Variants in ADORA2B observed in about 807,000 individuals in gnomAD.
ADORA2B encodes the protein adenosine A2b receptor.
In ADORA2B, 18 loss-of-function variants were observed where a neutral mutation model predicts 20.8. The ratio of observed to expected loss-of-function variants is 0.87; its 90% CI spans 0.60 to 1.29. The LOEUF (loss-of-function observed/expected upper bound fraction) is 1.29, where lower values mean the gene tolerates loss of function less well. Among genes scored for constraint, ADORA2B ranks in the 50% most tolerant of loss-of-function variants. The pLI is 0.00. For missense variants in ADORA2B, 441 were observed against 422.7 expected, an observed-to-expected ratio of 1.04 and a Z score of -0.38; for synonymous variants, 179 against 178.3, an observed-to-expected ratio of 1.00 and a Z score of -0.03.
intron 1 of ADORA2B, among the ~76,000 whole-genome samples, chr17:15,960,636 C>T (rs553346928): frequency 4.0e-5 from 6 of 149,800 alleles, no homozygotes; most frequent in African/African-American, 9.9e-5. Flanking sequence ...CTTTGGGAGG[C>T]GAAGGCAGGC....
chr17:15,852,430 T>C, the ADORA2B span, among the ~76,000 whole-genome samples: 1 of 152,074 alleles, frequency 6.6e-6, no homozygotes, highest in Non-Finnish European at 1.5e-5. Context: ...TGAAGGAAGA[T>C]TACATCATCC....
At chr17:15,871,173 A>G in the ADORA2B span, among the ~76,000 whole-genome samples, 3 of 152,168 alleles carry the variant, frequency 2.0e-5, no homozygotes, top group Non-Finnish European at 4.4e-5. Flanking sequence ...GTATGAAACT[A>G]TGAGGAATAA....
At chr17:15,874,044 A>G in the ADORA2B span, among the ~76,000 whole-genome samples, 2,163 of 76,710 alleles carry the variant, frequency 0.028, 69 homozygotes, top group African/African-American at 0.091. Context: ...ATATATGTGT[A>G]TATATATATA....
At chr17:15,943,281 G>A (rs555741545), upstream of ADORA2B, among the ~76,000 whole-genome samples, 15 of 152,246 alleles carry the variant, frequency 9.9e-5, no homozygotes, top group Admixed American at 3.9e-4. Context: ...TGCAAGGGCA[G>A]ATGTGACTGT....
chr17:15,891,431 A>G, the ADORA2B span, among the ~76,000 whole-genome samples: 5 of 152,210 alleles, frequency 3.3e-5, no homozygotes, highest in African/African-American at 1.2e-4. Flanking sequence ...ATTCTCTCTC[A>G]CCAGACCTTT....
At chr17:15,868,436 C>A in the ADORA2B span, among the ~76,000 whole-genome samples, 1 of 138,948 alleles carries the variant, frequency 7.2e-6, no homozygotes, top group South Asian at 2.3e-4. Flanking sequence ...ATTTATCAGT[C>A]TTTCCTCTAA....
the ADORA2B span, among the ~76,000 whole-genome samples, chr17:15,924,897 T>C: frequency 1.3e-5 from 2 of 151,946 alleles, no homozygotes; most frequent in Non-Finnish European, 2.9e-5. Context: ...AGACAGAGTC[T>C]TGCTCTGTCA....
chr17:15,926,021 A>AT, the ADORA2B span, among the ~76,000 whole-genome samples: 1 of 151,958 alleles, frequency 6.6e-6, no homozygotes, highest in Non-Finnish European at 1.5e-5. Context: ...GGAATTCCTT[A>AT]TTTTTTTCTC....
chr17:15,854,947 T>C, the ADORA2B span, among the ~76,000 whole-genome samples: 1 of 151,998 alleles, frequency 6.6e-6, no homozygotes, highest in South Asian at 2.1e-4. Context: ...TTTTTTCTTT[T>C]TGAGACGGAG....
the ADORA2B span, among the ~76,000 whole-genome samples, chr17:15,925,155 C>T: frequency 2.0e-5 from 3 of 152,188 alleles, no homozygotes; most frequent in African/African-American, 7.2e-5. Context: ...CCTGCCTCAG[C>T]CTCCCGAGTA....
chr17:15,859,403 TCTG>T, the ADORA2B span, among the ~76,000 whole-genome samples: 2 of 150,322 alleles, frequency 1.3e-5, no homozygotes, highest in South Asian at 4.3e-4. Context: ...ACTGTTTTTC[TCTG>T]CTATTTAGAG....
the ADORA2B span, among the ~76,000 whole-genome samples, chr17:15,857,311 G>T: frequency 1.3e-5 from 2 of 152,208 alleles, no homozygotes; most frequent in African/African-American, 4.8e-5. Context: ...CTGCTGCAGG[G>T]ATGGAACCCT....
At chr17:15,942,832 TCA>T (rs1396049191), upstream of ADORA2B, among the ~76,000 whole-genome samples, 1 of 152,156 alleles carries the variant, frequency 6.6e-6, no homozygotes, top group Non-Finnish European at 1.5e-5. Context: ...CTTTTTCTCT[TCA>T]CTCTCCTGGG....
the ADORA2B span, among the ~76,000 whole-genome samples, chr17:15,865,284 C>T: frequency 2.6e-5 from 4 of 152,016 alleles, no homozygotes; most frequent in Admixed American, 6.6e-5. Flanking sequence ...GTTTAAGAGA[C>T]GGAGTCTCAT....
At chr17:15,951,166 G>A (rs1597848128) in intron 1 of ADORA2B, among the ~76,000 whole-genome samples, 1 of 152,236 alleles carries the variant, frequency 6.6e-6, no homozygotes, top group Non-Finnish European at 1.5e-5. Context: ...AACGCCAGAA[G>A]AGGAGCTGCC....
chr17:15,940,252 A>G (rs1475984316), upstream of ADORA2B, among the ~76,000 whole-genome samples: 2 of 152,210 alleles, frequency 1.3e-5, no homozygotes, highest in Non-Finnish European at 2.9e-5. Flanking sequence ...GGTCGTGTCC[A>G]TCTCTGGGGT....
At chr17:15,966,228 C>T (rs1970113476) in intron 1 of ADORA2B, among the ~76,000 whole-genome samples, 1 of 152,182 alleles carries the variant, frequency 6.6e-6, no homozygotes. Context: ...TTTTAAGAAG[C>T]GGCAGTAGAA....
chr17:15,914,369 T>G, the ADORA2B span, among the ~76,000 whole-genome samples: 6 of 152,150 alleles, frequency 3.9e-5, no homozygotes, highest in Non-Finnish European at 5.9e-5. Context: ...GCTGACTTTT[T>G]ATATTTTTAC....
At chr17:15,951,670 A>G (rs1483767023) in intron 1 of ADORA2B, among the ~76,000 whole-genome samples, 3 of 152,260 alleles carry the variant, frequency 2.0e-5, no homozygotes, top group Non-Finnish European at 2.9e-5. Flanking sequence ...TCTTGGAACC[A>G]GGTCAGAACT....
Sources: gnomAD v4.1 joint callset for allele counts (sites outside exome capture counted in the v4.1 genomes callset) on GRCh38, gnomAD v4.1.1 for gene constraint, MANE v1.5 for transcripts, NCBI Gene and HGNC (gene_info 2026-07-23, HGNC 2026-07-21) for gene names.